Variants in LRMDA observed in about 807,000 individuals in gnomAD.
The protein encoded by LRMDA is leucine rich melanocyte differentiation associated, also known as leucine-rich melanocyte differentiation-associated protein.
A neutral mutation model predicts 29.8 loss-of-function variants in LRMDA; 18 were observed. That is an observed-to-expected ratio of 0.60 (90% CI 0.42 to 0.90). The LOEUF is 0.90. Ranked by LOEUF, LRMDA falls within the 40% of genes least tolerant of loss-of-function variation. LRMDA has a pLI of 0.00. For missense variants in LRMDA, 273 were observed against 273.9 expected (o/e 1.00, Z 0.02); for synonymous variants, 125 against 109.4 (o/e 1.14, Z -0.89).
chr10:76,085,804 G>C (rs1171453470), intron 5 of LRMDA, among the ~76,000 whole-genome samples: 2 of 152,148 alleles, frequency 1.3e-5, no homozygotes, highest in Non-Finnish European at 2.9e-5. Context: ...ATCTTTTCTA[G>C]TGATCCTGGC....
At chr10:75,562,668 C>T (rs1010168952) in intron 2 of LRMDA, among the ~76,000 whole-genome samples, 17 of 152,128 alleles carry the variant, frequency 1.1e-4, no homozygotes, top group African/African-American at 2.9e-4. Flanking sequence ...TGGCTGGTAC[C>T]GGTTGTTCTT....
chr10:75,457,922 C>T (rs945406903), intron 2 of LRMDA, among the ~76,000 whole-genome samples: 1 of 152,124 alleles, frequency 6.6e-6, no homozygotes, highest in African/African-American at 2.4e-5. Context: ...TGAACTCTTG[C>T]TAGTTTGAAG....
intron 5 of LRMDA, among the ~76,000 whole-genome samples, chr10:76,143,298 A>G (rs1387137829): frequency 6.6e-6 from 1 of 152,236 alleles, no homozygotes; most frequent in South Asian, 2.1e-4. Context: ...ACTAGTTTAC[A>G]GTCCCACCAA....
At chr10:75,888,214 C>T (rs1197492079) in intron 2 of LRMDA, among the ~76,000 whole-genome samples, 1 of 152,060 alleles carries the variant, frequency 6.6e-6, no homozygotes, top group African/African-American at 2.4e-5. Context: ...GGCAACAGTA[C>T]TGAAGAAAAA....
chr10:76,309,340 G>T (rs1328601251), intron 5 of LRMDA, among the ~76,000 whole-genome samples: 4 of 152,078 alleles, frequency 2.6e-5, no homozygotes, highest in African/African-American at 9.7e-5. Flanking sequence ...TCCTCTGTCT[G>T]TGGGTGGTGG....
At chr10:75,522,155 G>A (rs1845368987) in intron 2 of LRMDA, among the ~76,000 whole-genome samples, 1 of 152,190 alleles carries the variant, frequency 6.6e-6, no homozygotes, top group Admixed American at 6.5e-5. Flanking sequence ...CCCTTCACAT[G>A]TATTAACTCA....
intron 2 of LRMDA, among the ~76,000 whole-genome samples, chr10:75,499,623 CACAATCGGG>C (rs920173281): frequency 6.6e-6 from 1 of 152,172 alleles, no homozygotes; most frequent in Non-Finnish European, 1.5e-5. Flanking sequence ...TAATTAAAGC[CACAATCGGG>C]GCTATGATTC....
intron 5 of LRMDA, among the ~76,000 whole-genome samples, chr10:76,074,566 C>T (rs1204509076): frequency 6.6e-6 from 1 of 152,052 alleles, no homozygotes; most frequent in Non-Finnish European, 1.5e-5. Flanking sequence ...CAGTTATTAG[C>T]CTATATAGGG....
At chr10:76,339,950 T>C (rs1413462652) in intron 6 of LRMDA, among the ~76,000 whole-genome samples, 1 of 42,358 alleles carries the variant, frequency 2.4e-5, no homozygotes, top group Non-Finnish European at 4.4e-5. Context: ...TTTCTCTTAC[T>C]AGGAATCCAT....
chr10:76,233,103 GC>G (rs1852090357), intron 5 of LRMDA, among the ~76,000 whole-genome samples: 1 of 152,186 alleles, frequency 6.6e-6, no homozygotes, highest in Admixed American at 6.5e-5. Flanking sequence ...ACTGTAATCA[GC>G]TTGGAGGTGG....
Position 76,421,805 on chromosome 10 carries a change from T to C in LRMDA, c.601+97320T>C, listed in dbSNP as rs150606691. ...CTTGTTATCTCTTATTGATTGATGG[T>C]TTGGATCTTTGGGCATTTGGTTTTG... is the stretch of plus-strand genomic sequence containing the variant. On this transcript the variant is annotated intron_variant, in intron 6 of 6. Transcript: ENST00000611255. Among the ~76,000 whole-genome samples the C allele has an allele frequency of 4.6e-5, 7 of 152,306 alleles. No homozygotes were observed. The East Asian group carries it at 1.3e-3, about 29-fold the overall frequency.
rs1843357455 is a variant in LRMDA at position 76,541,673 on chromosome 10, T to C, written c.602-15536T>C. 2.0e-5 allele frequency among the ~76,000 whole-genome samples: 3 copies of C among 152,276 alleles called. No homozygotes were observed. The South Asian group carries it at 6.2e-4, about 32-fold the overall frequency. On this transcript the variant is annotated intron_variant, in intron 6 of 6. Transcript: ENST00000611255. ...AGGCTTTTGTTTTGGCATTTATTTC[T>C]CCTTCTTCCTCTGCTCACTATTTCC...
intron 2 of LRMDA, among the ~76,000 whole-genome samples, chr10:75,616,717 T>G (rs1216235910): frequency 6.6e-6 from 1 of 152,216 alleles, no homozygotes; most frequent in East Asian, 1.9e-4. Context: ...ATGCAATCTT[T>G]ATGAAGACAG....
chr10:75,984,181 C>T (rs577303533), intron 2 of LRMDA, among the ~76,000 whole-genome samples: 6 of 151,086 alleles, frequency 4.0e-5, no homozygotes, highest in Admixed American at 1.3e-4. Context: ...AATCTCCCTG[C>T]AGCAAGAGGA....
At chr10:76,407,415 C>T (rs563095205) in intron 6 of LRMDA, among the ~76,000 whole-genome samples, 3 of 152,252 alleles carry the variant, frequency 2.0e-5, no homozygotes, top group South Asian at 4.2e-4. Flanking sequence ...TCTGTACTCA[C>T]GTGGGGACTT....
intron 2 of LRMDA, among the ~76,000 whole-genome samples, chr10:76,031,044 G>A (rs534779629): frequency 1.3e-5 from 2 of 152,254 alleles, no homozygotes; most frequent in East Asian, 3.9e-4. Flanking sequence ...TACTATTTCT[G>A]CTCTCAAGGT....
chr10:75,495,563 T>C (rs536675088), intron 2 of LRMDA, among the ~76,000 whole-genome samples: 2 of 152,302 alleles, frequency 1.3e-5, no homozygotes, highest in African/African-American at 2.4e-5. Context: ...TTGCCCTTCA[T>C]TGGATCATGA....
At chr10:75,910,760 C>A (rs1845829155) in intron 2 of LRMDA, among the ~76,000 whole-genome samples, 1 of 152,154 alleles carries the variant, frequency 6.6e-6, no homozygotes, top group African/African-American at 2.4e-5. Context: ...ATAGCCAGGC[C>A]AAGTTCATCA....
At position 75,523,650 on chromosome 10, in the gene LRMDA, A is replaced by C. The variant is rs571881334; in HGVS notation, c.131+85156A>C. Among the ~76,000 whole-genome samples the C allele has an allele frequency of 2.8e-4, 43 of 152,326 alleles. 1 individual carries two copies. The South Asian group carries it at 8.9e-3, about 32-fold the overall frequency. ...CCTTTTGAAAACGAAAGAGGGAGCT[A>C]TAATAATTATGCTGGAAAAACAGGC... On this transcript the variant is annotated intron_variant, in intron 2 of 6. Coordinates refer to ENST00000611255, the MANE Select transcript of LRMDA (RefSeq NM_001305581.2).
Sources: allele counts gnomAD v4.1 joint callset (sites outside exome capture counted in the v4.1 genomes callset), GRCh38; gene constraint gnomAD v4.1.1; transcripts MANE v1.5; gene names NCBI Gene and HGNC (gene_info 2026-07-23, HGNC 2026-07-21).